The following OVOL2 variants were observed in gnomAD, a reference collection of about 807,000 sequenced individuals.
OVOL2 encodes the protein ovo like zinc finger 2.
OVOL2 carries 13 observed loss-of-function variants against 18.1 expected under a neutral mutation model. The ratio of observed to expected loss-of-function variants is 0.72; its 90% CI spans 0.47 to 1.14. The LOEUF (loss-of-function observed/expected upper bound fraction) is 1.14. OVOL2 is among the 50% of genes most tolerant of loss of function. OVOL2 has a pLI of 0.00. For missense variants in OVOL2, 335 were observed against 383.0 expected (o/e 0.87, Z 1.05); for synonymous variants, 166 against 162.7 (o/e 1.02, Z -0.16).
At chr20:18,032,754 G>A (rs956067830) in intron 3 of OVOL2, among the ~76,000 whole-genome samples, 5 of 152,030 alleles carry the variant, frequency 3.3e-5, no homozygotes, top group African/African-American at 1.2e-4. Flanking sequence ...TGATCAGCCC[G>A]CCTCGGCCTC....
chr20:18,042,430 T>C (rs139072216), intron 2 of OVOL2, among the ~76,000 whole-genome samples: 2 of 152,156 alleles, frequency 1.3e-5, no homozygotes, highest in African/African-American at 4.8e-5. Context: ...GCCGTCCCCG[T>C]AGTAAAGAGC....
intron 3 of OVOL2, 49 bp downstream of exon 3, chr20:18,041,485 C>T (rs1167720407): frequency 6.4e-7 from 1 of 1,572,642 alleles, no homozygotes. Context: ...AACAGGAGCT[C>T]TTGGCCAGAA....
chr20:18,027,073 C>T (rs948733905), intron 3 of OVOL2, among the ~76,000 whole-genome samples: 2 of 151,424 alleles, frequency 1.3e-5, no homozygotes, highest in African/African-American at 4.9e-5. Flanking sequence ...TATAAACAAA[C>T]CTGCACATGC....
rs112361413 is a variant in OVOL2 at position 18,047,644 on chromosome 20, A to G, written c.322-5921T>C. ...CAAGGCCGGTGGATCATCTGAGGTC[A>G]GGAGTTCGAGACCAGCCTGACCAAC... On this transcript the variant is annotated intron_variant, in intron 2 of 3. Transcript: ENST00000278780. 1.1e-3 allele frequency among the ~76,000 whole-genome samples: 160 copies of G among 150,056 alleles called. 6 individuals are homozygous for G. The highest frequency in any genetic ancestry group is 3.8e-3 in the African/African-American group (152 of 40,474).
chr20:18,051,613 G>A (rs2036771970), intron 2 of OVOL2, among the ~76,000 whole-genome samples: 1 of 152,168 alleles, frequency 6.6e-6, no homozygotes, highest in Non-Finnish European at 1.5e-5. Context: ...AGCAGGGAGA[G>A]TTGCATTATC....
At chr20:18,025,547 C>A (rs1018904754) in intron 3 of OVOL2, among the ~76,000 whole-genome samples, 2 of 152,002 alleles carry the variant, frequency 1.3e-5, no homozygotes, top group Admixed American at 6.6e-5. Context: ...CCAGTCTGGG[C>A]AACAGAGTGA....
At chr20:18,047,261 C>T (rs1386454609) in intron 2 of OVOL2, among the ~76,000 whole-genome samples, 1 of 152,122 alleles carries the variant, frequency 6.6e-6, no homozygotes, top group Non-Finnish European at 1.5e-5. Flanking sequence ...GCCTGTAATC[C>T]CAGCACTTCA....
Position 18,057,513 on chromosome 20 carries a change from C to T in OVOL2, c.100+22G>A, listed in dbSNP as rs748297054. 9 of 1,550,928 alleles carry T rather than the reference C, an allele frequency of 5.8e-6. No homozygotes were observed. Among genetic ancestry groups the T allele is most frequent in the Admixed American group, 3.9e-5 (2 of 51,516 alleles). On this transcript the variant is annotated intron_variant, in intron 1 of 3. Coordinates refer to ENST00000278780, the MANE Select transcript of OVOL2 (RefSeq NM_021220.4). The surrounding 1 kb of genome is among the most constrained non-coding windows in gnomAD (Gnocchi z 6.3). Reference sequence around the variant, plus strand: ...CCACCCCGGGAGCCCAGCGCCCAGGCCCGGCCCCCGCGCGCGCTCACCTGG... The same window carrying T: ...CCACCCCGGGAGCCCAGCGCCCAGGTCCGGCCCCCGCGCGCGCTCACCTGG...
chr20:18,026,433 G>C (rs994969823), intron 3 of OVOL2, among the ~76,000 whole-genome samples: 7 of 149,608 alleles, frequency 4.7e-5, no homozygotes, highest in Middle Eastern at 6.9e-3. Context: ...CCAGGTTGGA[G>C]TGCAGTGGCG....
At chr20:18,050,963 G>A (rs1276809062) in intron 2 of OVOL2, among the ~76,000 whole-genome samples, 2 of 151,954 alleles carry the variant, frequency 1.3e-5, no homozygotes, top group African/African-American at 2.4e-5. Flanking sequence ...GTCTGTCTTG[G>A]GAGACAAAAA....
At chr20:18,051,736 C>T (rs1476772149) in intron 2 of OVOL2, among the ~76,000 whole-genome samples, 1 of 152,074 alleles carries the variant, frequency 6.6e-6, no homozygotes, top group Non-Finnish European at 1.5e-5. Context: ...GACTGAAGAA[C>T]TTAACTGTTA....
intron 3 of OVOL2, among the ~76,000 whole-genome samples, chr20:18,028,517 G>A (rs1018188950): frequency 7.2e-5 from 11 of 152,070 alleles, no homozygotes; most frequent in Non-Finnish European, 1.5e-4. Context: ...AATAGGCTGG[G>A]TGCGGTGGCT....
intron 3 of OVOL2, among the ~76,000 whole-genome samples, chr20:18,037,064 A>T (rs1436864845): frequency 1.4e-5 from 2 of 146,992 alleles, no homozygotes; most frequent in Non-Finnish European, 3.0e-5. Flanking sequence ...TGAACCTGGG[A>T]GGCGGAGCTT....
intron 2 of OVOL2, among the ~76,000 whole-genome samples, chr20:18,047,943 A>G (rs2036739097): frequency 6.6e-6 from 1 of 151,724 alleles, no homozygotes; most frequent in Admixed American, 6.6e-5. Flanking sequence ...TATTATAGTT[A>G]GACCAACTCC....
chr20:18,056,996 A>G lies in OVOL2; in HGVS notation c.101-119T>C, dbSNP rs893790468. 2.5e-6 allele frequency: 3 copies of G among 1,194,218 alleles called. No homozygotes were observed. Among genetic ancestry groups the G allele is most frequent in the East Asian group, 3.2e-5 (1 of 31,282 alleles). The allele number at this position is 1,194,218 out of a possible 1,614,324, so 74.0% of individuals were successfully genotyped here. A position where few individuals can be genotyped will look rare whatever the true frequency, so the allele number is the denominator to read the frequency against. ...CGCCCCGGACCTGGGCACCTCGCCA[A>G]GTGGGCAACGTCGCGGGGGAGGCCA... On this transcript the variant is annotated intron_variant, in intron 1 of 3. Coordinates refer to ENST00000278780, the MANE Select transcript of OVOL2 (RefSeq NM_021220.4). This position sits in a 1 kb window ranked among gnomAD's most constrained non-coding sequence, Gnocchi z 4.2.
At position 18,056,982 on chromosome 20, in the gene OVOL2, TG is replaced by T; in HGVS notation, c.101-106del. On this transcript the variant is annotated intron_variant, in intron 1 of 3. Transcript: ENST00000278780. This position sits in a 1 kb window ranked among gnomAD's most constrained non-coding sequence, Gnocchi z 4.2. ...TGCTGCCGCCGCCCCGCCCCGGACC[TG>T]GGCACCTCGCCAAGTGGGCAACGTC... 7.7e-7 allele frequency: 1 copy of T among 1,306,488 alleles called. No individual in the cohort carries two copies. Among genetic ancestry groups the T allele is most frequent in the South Asian group, 1.8e-5 (1 of 56,466 alleles). The allele number at this position is 1,306,488 out of a possible 1,614,324, so 80.9% of individuals were successfully genotyped here.
intron 3 of OVOL2, among the ~76,000 whole-genome samples, chr20:18,034,647 TCTCTCACA>T (rs1056764494): frequency 2.0e-4 from 30 of 150,980 alleles, no homozygotes; most frequent in Admixed American, 2.6e-4. Context: ...TCTCTCTCTC[TCTCTCACA>T]CACACACACA....
chr20:18,032,840 A>G (rs2036583850), intron 3 of OVOL2, among the ~76,000 whole-genome samples: 1 of 152,198 alleles, frequency 6.6e-6, no homozygotes, highest in Non-Finnish European at 1.5e-5. Flanking sequence ...AGCAATATAC[A>G]TTAAAAACTT....
chr20:18,024,739 A>G lies in OVOL2; in HGVS notation c.725T>C (p.Phe242Ser). ...CAGTTTTTTAGATGTCTTTTTGAGAAACGAGCTGCCCGGATGGGCACTGTT... is the reference window on the plus strand; with the variant it reads ...CAGTTTTTTAGATGTCTTTTTGAGAGACGAGCTGCCCGGATGGGCACTGTT... Reference protein sequence around the residue: ...HVNSAHPGSSFLKKTSKKLAA... With the variant: ...HVNSAHPGSSSLKKTSKKLAA... The change falls in exon 4 of 4, where the codon TTT becomes TCT. Residue 242 changes from phenylalanine to serine, a missense_variant. Transcript: ENST00000278780. 1 of 1,614,154 alleles carries G rather than the reference A, an allele frequency of 6.2e-7. No homozygotes were observed. Among genetic ancestry groups the G allele is most frequent in the Non-Finnish European group, 8.5e-7 (1 of 1,180,028 alleles).
Sources: allele counts gnomAD v4.1 joint callset (sites outside exome capture counted in the v4.1 genomes callset), GRCh38; gene constraint gnomAD v4.1.1; non-coding constraint Gnocchi (gnomAD v3.1); transcripts MANE v1.5; gene names NCBI Gene and HGNC (gene_info 2026-07-23, HGNC 2026-07-21).